CYGB: variants seen among roughly 807,000 people sequenced by gnomAD.
The protein encoded by CYGB is cytoglobin.
A neutral mutation model predicts 20.7 loss-of-function variants in CYGB; 13 were observed. The observed-to-expected ratio is 0.63, with a 90% CI of 0.41 to 1.00. The LOEUF is 1.00. Among genes scored for constraint, CYGB ranks in the 50% least tolerant of loss-of-function variants. The probability of loss-of-function intolerance (pLI) is 0.00; values close to 1 mark genes in which losing one functional copy is unlikely to be tolerated. For synonymous variants in CYGB, 93 were observed against 107.4 expected, an observed-to-expected ratio of 0.87 and a Z score of 0.83; for missense variants, 218 against 257.2, an observed-to-expected ratio of 0.85 and a Z score of 1.04.
chr17:76,538,468 C>T (rs1188019086), upstream of CYGB: 2 of 464,952 alleles, frequency 4.3e-6, no homozygotes, highest in African/African-American at 2.0e-5. Context: ...GCGGCGGCGG[C>T]GGCCAGAAGT....
chr17:76,529,914 G>A (rs549764364), intron 3 of CYGB: 22 of 985,324 alleles, frequency 2.2e-5, no homozygotes, highest in Non-Finnish European at 2.7e-5. Context: ...GACGGGAGAG[G>A]GGGGAGGGGA....
At chr17:76,540,720 C>T (rs2074982549), upstream of CYGB, 1 of 791,106 alleles carries the variant, frequency 1.3e-6, no homozygotes, top group African/African-American at 1.7e-5. The surrounding 1 kb of genome is among the most constrained non-coding windows in gnomAD (Gnocchi z 5.0). Context: ...TCCCTGTCCG[C>T]CTGCTGGGCA....
chr17:76,547,148 G>A (rs4648341), intron 1 of CYGB: 96,031 of 152,250 alleles, frequency 0.63, 33,805 homozygotes, highest in East Asian at 0.87. Context: ...GGCCCTGAGA[G>A]GCTGGTTCTT....
At chr17:76,547,985 TAC>T (rs1459155130) in intron 1 of CYGB, among the ~76,000 whole-genome samples, 2 of 148,234 alleles carry the variant, frequency 1.3e-5, no homozygotes, top group Non-Finnish European at 3.0e-5. Context: ...TACACATACA[TAC>T]ACATTCACAC....
At chr17:76,542,660 G>A (rs1764514607), upstream of CYGB, 4 of 1,472,094 alleles carry the variant, frequency 2.7e-6, no homozygotes, top group Non-Finnish European at 3.8e-6. Context: ...AGCCGGGGAG[G>A]GCAGAGGGCA....
At chr17:76,545,637 G>GT (rs1031042950) in intron 1 of CYGB, 2 of 322,994 alleles carry the variant, frequency 6.2e-6, no homozygotes, top group African/African-American at 4.3e-5. Flanking sequence ...TGTGGCCTGG[G>GT]TAAGTTTCTG....
chr17:76,540,381 T>C, upstream of CYGB: 3 of 1,317,426 alleles, frequency 2.3e-6, no homozygotes, highest in South Asian at 1.2e-5. The surrounding 1 kb of genome is among the most constrained non-coding windows in gnomAD (Gnocchi z 5.0). Flanking sequence ...CAGGGGGACT[T>C]AGAGCTTCAA....
At chr17:76,534,099 TTTTCTTTCTTTCTTC>T (rs2074882182) in intron 1 of CYGB, among the ~76,000 whole-genome samples, 1 of 76,036 alleles carries the variant, frequency 1.3e-5, no homozygotes, top group African/African-American at 3.4e-5. Flanking sequence ...CCTTTTTTCT[TTTTCTTTCTTTCTTC>T]TTTCTTTCTT....
intron 1 of CYGB, chr17:76,545,059 T>TG (rs756523596): frequency 3.1e-5 from 13 of 421,978 alleles, no homozygotes; most frequent in East Asian, 1.6e-4. Context: ...GTGGGCCGGG[T>TG]GGGGGGGCTG....
chr17:76,537,327 G>T, intron 1 of CYGB, 73 bp downstream of exon 1: 3 of 1,450,172 alleles, frequency 2.1e-6, no homozygotes, highest in Non-Finnish European at 2.7e-6. Flanking sequence ...TCGGACCCGG[G>T]CCCAGCCCTC....
rs2074872055 is a variant in CYGB, at chr17:76,533,412, G to A, written c.144-1721C>T. Among the ~76,000 whole-genome samples the A allele has an allele frequency of 6.6e-6, 1 of 152,168 alleles. No individual in the cohort carries two copies. The highest frequency in any genetic ancestry group is 6.5e-5 in the Admixed American group (1 of 15,268). ...TAAACAAGCATCTCAGACTTTGGAG[G>A]TTTTACAATTGCAATAAAAAATAAT... On this transcript the variant is annotated intron_variant, in intron 1 of 3. Coordinates refer to ENST00000293230, the MANE Select transcript of CYGB (RefSeq NM_134268.5). This position sits in a 1 kb window ranked among gnomAD's most constrained non-coding sequence, Gnocchi z 4.5.
In CYGB at chr17:76,533,096, T is replaced by TG. The variant is rs1221954424; in HGVS notation, c.144-1406dup. Among the ~76,000 whole-genome samples, 1 of 152,332 alleles carries TG rather than the reference T, an allele frequency of 6.6e-6. No individual in the cohort carries two copies. The highest frequency in any genetic ancestry group is 2.1e-4 in the South Asian group (1 of 4,830). On this transcript the variant is annotated intron_variant, in intron 1 of 3. Transcript: ENST00000293230. This position sits in a 1 kb window ranked among gnomAD's most constrained non-coding sequence, Gnocchi z 4.5. Reference sequence around the variant, plus strand: ...CTGGAACAGATGCGGAGAGGGCATCTGGCCGGGTCATCCCTGCTGCTGGTG... The same window carrying TG: ...CTGGAACAGATGCGGAGAGGGCATCTGGGCCGGGTCATCCCTGCTGCTGGTG...
upstream of CYGB, among the ~76,000 whole-genome samples, chr17:76,539,287 A>G (rs2074959079): frequency 1.3e-5 from 2 of 152,204 alleles, no homozygotes; most frequent in Admixed American, 1.3e-4. Flanking sequence ...TGGAAAGAAA[A>G]TAGGAGAAAT....
At position 76,531,059 on chromosome 17, in the gene CYGB, C is replaced by G; in HGVS notation, c.459G>C (p.Lys153Asn). Reference sequence around the variant, plus strand: ...CGTGGCTGTAGATGAGGCCACGCAGCTTGGCCCAGGCTCTCTGCGTCTCAG... The same window carrying G: ...CGTGGCTGTAGATGAGGCCACGCAGGTTGGCCCAGGCTCTCTGCGTCTCAG... ...FPPETQRAWA[K>N]LRGLIYSHVT... is the part of the protein sequence containing the mutation. Residue 153 changes from lysine (K) to asparagine (N), a missense_variant, in exon 3 of 4, where the codon AAG becomes AAC. Lys to Asn is a moderately conservative substitution (Grantham distance 94). Transcript: ENST00000293230. The surrounding 1 kb of genome is among the most constrained non-coding windows in gnomAD (Gnocchi z 7.4). 1 of 1,613,924 alleles carries G rather than the reference C, an allele frequency of 6.2e-7. No homozygotes were observed. Among genetic ancestry groups the G allele is most frequent in the South Asian group, 1.1e-5 (1 of 91,078 alleles).
chr17:76,538,484 G>C (rs1398721365), upstream of CYGB: 2 of 465,970 alleles, frequency 4.3e-6, no homozygotes, highest in African/African-American at 4.0e-5. Flanking sequence ...GAAGTCCCCC[G>C]TGGCTTATGA....
Position 76,530,053 on chromosome 17 carries a change from C to T in CYGB, c.539+926G>A, listed in dbSNP as rs1424366557. ...ACAGAAGGGCCGGCAGTCTTGGGGG[C>T]CCGTGCAGAGCCCGGCGGGAGACGC... On this transcript the variant is annotated intron_variant, in intron 3 of 3. Coordinates refer to ENST00000293230, the MANE Select transcript of CYGB (RefSeq NM_134268.5). The surrounding 1 kb of genome is among the most constrained non-coding windows in gnomAD (Gnocchi z 6.1). 2 of 985,306 alleles carry T rather than the reference C, an allele frequency of 2.0e-6. No individual in the cohort carries two copies. Among genetic ancestry groups the T allele is most frequent in the Non-Finnish European group, 2.4e-6 (2 of 829,928 alleles). The allele number at this position is 985,306 out of a possible 1,614,324, so 61.0% of individuals were successfully genotyped here. A position where few individuals can be genotyped will look rare whatever the true frequency, so the allele number is the denominator to read the frequency against.
upstream of CYGB, chr17:76,540,372 A>C (rs2074976272): frequency 1.6e-6 from 2 of 1,284,904 alleles, no homozygotes; most frequent in African/African-American, 2.9e-5. This position sits in a 1 kb window ranked among gnomAD's most constrained non-coding sequence, Gnocchi z 5.0. Context: ...GTCTCAGAGC[A>C]GGGGGACTTA....
At chr17:76,532,842 T>G (rs529823593) in intron 1 of CYGB, among the ~76,000 whole-genome samples, 188 of 152,236 alleles carry the variant, frequency 1.2e-3, no homozygotes, top group Middle Eastern at 3.4e-3. Context: ...CGGCCGACAA[T>G]GACTTTTTCA....
chr17:76,540,669 G>A (rs2074981807), upstream of CYGB: 8 of 1,244,794 alleles, frequency 6.4e-6, no homozygotes, highest in East Asian at 1.7e-4. The surrounding 1 kb of genome is among the most constrained non-coding windows in gnomAD (Gnocchi z 5.0). Context: ...GTGCGCGCCT[G>A]TGCGTGCACC....
Sources: allele counts gnomAD v4.1 joint callset (sites outside exome capture counted in the v4.1 genomes callset), GRCh38; gene constraint gnomAD v4.1.1; non-coding constraint Gnocchi (gnomAD v3.1); transcripts MANE v1.5; gene names NCBI Gene and HGNC (gene_info 2026-07-23, HGNC 2026-07-21).